The following ARHGAP6 variants were observed in gnomAD, a reference collection of about 807,000 sequenced individuals.
ARHGAP6 encodes Rho GTPase activating protein 6.
A neutral mutation model predicts 55.7 loss-of-function variants in ARHGAP6; 16 were observed. That is an observed-to-expected ratio of 0.29 (90% confidence interval 0.19 to 0.44). The LOEUF (loss-of-function observed/expected upper bound fraction) is 0.44. Ranked by LOEUF, ARHGAP6 falls within the 20% of genes least tolerant of loss-of-function variation. The pLI is 1.00. For missense variants in ARHGAP6, 698 were observed against 808.9 expected (o/e 0.86, Z 1.66); for synonymous variants, 382 against 360.9 (o/e 1.06, Z -0.66).
At chrX:11,664,210 G>A (rs1171168638) in intron 1 of ARHGAP6, 31 bp downstream of exon 1, 2 of 1,164,761 alleles carry the variant, frequency 1.7e-6, no homozygotes, top group African/African-American at 1.8e-5. Flanking sequence ...CCTCCTCCTT[G>A]GGCCGTGGGA....
intron 1 of ARHGAP6, among the ~76,000 whole-genome samples, chrX:11,484,009 G>A (rs927280868): frequency 1.8e-5 from 2 of 111,855 alleles, no homozygotes; most frequent in Non-Finnish European, 3.8e-5. Context: ...ATTATGCAGG[G>A]CTGCTATGAG....
At chrX:11,282,714 T>C (rs2047872820) in intron 1 of ARHGAP6, among the ~76,000 whole-genome samples, 1 of 112,033 alleles carries the variant, frequency 8.9e-6, no homozygotes, top group Non-Finnish European at 1.9e-5. Flanking sequence ...TTCAAAAACA[T>C]AGCAAGAGTT....
At chrX:11,520,497 G>T (rs768175746) in intron 1 of ARHGAP6, among the ~76,000 whole-genome samples, 236 of 109,679 alleles carry the variant, frequency 2.2e-3, no homozygotes, top group Non-Finnish European at 2.3e-3. Flanking sequence ...GAACTCATCA[G>T]TTTTTATGAC....
intron 8 of ARHGAP6, among the ~76,000 whole-genome samples, chrX:11,176,327 ATATATATATATATATATATATATC>A (rs1343445414): frequency 3.9e-5 from 2 of 51,646 alleles, no homozygotes; most frequent in African/African-American, 1.9e-4. Context: ...ATATATATAT[ATATATATATATATATATATATATC>A]TCCCCTAGCA....
chrX:11,289,663 C>T (rs1169756527), intron 1 of ARHGAP6, among the ~76,000 whole-genome samples: 1 of 112,108 alleles, frequency 8.9e-6, no homozygotes, highest in African/African-American at 3.2e-5. Context: ...TTTGAACCAG[C>T]CCCGCTATTG....
intron 2 of ARHGAP6, among the ~76,000 whole-genome samples, chrX:11,234,129 T>G (rs2047168497): frequency 8.9e-6 from 1 of 112,565 alleles, no homozygotes; most frequent in Admixed American, 9.4e-5. Flanking sequence ...AACCACTCTT[T>G]GAAAGCATCT....
At chrX:11,267,784 A>G (rs1276403105) in intron 1 of ARHGAP6, among the ~76,000 whole-genome samples, 1 of 112,494 alleles carries the variant, frequency 8.9e-6, no homozygotes, top group Admixed American at 9.4e-5. Flanking sequence ...AAGTGCAGAA[A>G]TAATGGAGAA....
chrX:11,553,243 A>AT (rs35101240), intron 1 of ARHGAP6, among the ~76,000 whole-genome samples: 5,297 of 98,291 alleles, frequency 0.054, 117 homozygotes, highest in Middle Eastern at 0.094. Context: ...TGCTTAGAAC[A>AT]TTTTTTTTTT....
intron 2 of ARHGAP6, among the ~76,000 whole-genome samples, chrX:11,219,500 A>G (rs1466819990): frequency 1.0e-5 from 1 of 96,434 alleles, no homozygotes; most frequent in Admixed American, 1.1e-4. Flanking sequence ...TTACAGTCCC[A>G]CCAACAGTGT....
At chrX:11,220,459 G>A (rs2046952850) in intron 2 of ARHGAP6, among the ~76,000 whole-genome samples, 1 of 111,455 alleles carries the variant, frequency 9.0e-6, no homozygotes, top group Admixed American at 9.6e-5. Context: ...CAAGCCAGAA[G>A]AGAGTGGGGG....
chrX:11,558,133 T>C, intron 1 of ARHGAP6, among the ~76,000 whole-genome samples: 1 of 112,068 alleles, frequency 8.9e-6, no homozygotes, highest in Non-Finnish European at 1.9e-5. Context: ...TGATGAAGCC[T>C]GACCATCACG....
intron 1 of ARHGAP6, among the ~76,000 whole-genome samples, chrX:11,611,645 G>A (rs531044599): frequency 1.5e-4 from 17 of 111,762 alleles, no homozygotes; most frequent in South Asian, 3.8e-4. Flanking sequence ...CAAAGGAAGC[G>A]CACAATGAAT....
At chrX:11,448,270 C>T (rs1417072676) in intron 1 of ARHGAP6, among the ~76,000 whole-genome samples, 3 of 112,109 alleles carry the variant, frequency 2.7e-5, no homozygotes, top group African/African-American at 9.7e-5. Flanking sequence ...TTTGTGCCTT[C>T]CTTATCCAGC....
intron 1 of ARHGAP6, among the ~76,000 whole-genome samples, chrX:11,413,629 A>G: frequency 8.9e-6 from 1 of 111,994 alleles, no homozygotes; most frequent in Non-Finnish European, 1.9e-5. Context: ...ATACAGTAAC[A>G]TAAAAATCTC....
rs753297213 is a variant in ARHGAP6, at chrX:11,511,970, G to A, written c.588+152271C>T. 6.3e-5 allele frequency among the ~76,000 whole-genome samples: 7 copies of A among 111,128 alleles called. No individual in the cohort carries two copies. The Admixed American group carries it at 6.7e-4, about 11-fold the overall frequency. On this transcript the variant is annotated intron_variant, in intron 1 of 12. Coordinates refer to ENST00000337414, the MANE Select transcript of ARHGAP6 (RefSeq NM_013427.3). The stretch of plus-strand genomic sequence containing the variant: ...GCCTCCTGAGTAGCTGGGACTACAG[G>A]TGCCTGCCACCACACCTGGCTAATT...
At chrX:11,239,042 T>C (rs1179655004) in intron 2 of ARHGAP6, among the ~76,000 whole-genome samples, 1 of 112,082 alleles carries the variant, frequency 8.9e-6, no homozygotes, top group African/African-American at 3.2e-5. Context: ...ACTGGTGAAA[T>C]CTGAGTGAAG....
intron 1 of ARHGAP6, among the ~76,000 whole-genome samples, chrX:11,533,393 C>A (rs143856161): frequency 8.9e-6 from 1 of 111,765 alleles, no homozygotes; most frequent in South Asian, 3.7e-4. Flanking sequence ...AATATATCCC[C>A]TCATTGCCAC....
intron 1 of ARHGAP6, among the ~76,000 whole-genome samples, chrX:11,623,622 G>A (rs762261310): frequency 2.7e-4 from 29 of 106,432 alleles, no homozygotes; most frequent in East Asian, 2.4e-3. Context: ...GCGTGAACCC[G>A]GGAGGCGGAG....
intron 9 of ARHGAP6, among the ~76,000 whole-genome samples, chrX:11,158,932 CAT>C (rs2045902674): frequency 8.9e-6 from 1 of 112,233 alleles, no homozygotes; most frequent in African/African-American, 3.2e-5. Context: ...ACAAGAAAAA[CAT>C]AGAGAAACAC....
Sources: allele counts gnomAD v4.1 joint callset (sites outside exome capture counted in the v4.1 genomes callset), GRCh38; gene constraint gnomAD v4.1.1; transcripts MANE v1.5; gene names NCBI Gene and HGNC (gene_info 2026-07-23, HGNC 2026-07-21).